OLA1: variants seen among roughly 807,000 people sequenced by gnomAD.
The protein encoded by OLA1 is Obg like ATPase 1, also known as obg-like ATPase 1.
In OLA1, 14 loss-of-function variants were observed where a neutral mutation model predicts 48.4. That is an observed-to-expected ratio of 0.29 (90% confidence interval 0.19 to 0.45). The LOEUF is 0.45. Ranked by LOEUF, OLA1 falls within the 20% of genes least tolerant of loss-of-function variation. OLA1 has a pLI of 1.00. For missense variants in OLA1, 325 were observed against 467.1 expected, an observed-to-expected ratio of 0.70 and a Z score of 2.80; for synonymous variants, 127 against 150.4, an observed-to-expected ratio of 0.84 and a Z score of 1.14.
At chr2:174,092,362 T>A (rs1340801663) in intron 7 of OLA1, among the ~76,000 whole-genome samples, 1 of 151,980 alleles carries the variant, frequency 6.6e-6, no homozygotes, top group Non-Finnish European at 1.5e-5. Flanking sequence ...AAAGACTAGG[T>A]AAAAGAACAT....
intron 7 of OLA1, among the ~76,000 whole-genome samples, chr2:174,118,118 C>G (rs917883116): frequency 8.5e-5 from 13 of 152,116 alleles, no homozygotes; most frequent in African/African-American, 1.9e-4. Context: ...TTTAAACAAC[C>G]AGATCTCATG....
At chr2:174,173,538 GATAAAAGTTTACAACTTGATTTTTTTT>G (rs1687354083) in intron 4 of OLA1, among the ~76,000 whole-genome samples, 1 of 150,364 alleles carries the variant, frequency 6.7e-6, no homozygotes, top group Admixed American at 6.6e-5. Flanking sequence ...TTAAATCTGT[GATAAAAGTTTACAACTTGATTTTTTTT>G]ATAAGTCAAA....
At chr2:174,215,572 C>G (rs1688345697) in intron 4 of OLA1, among the ~76,000 whole-genome samples, 1 of 151,970 alleles carries the variant, frequency 6.6e-6, no homozygotes, top group Admixed American at 6.6e-5. Flanking sequence ...TAAGAAAAAA[C>G]TAGGTATGCC....
chr2:174,160,499 A>C (rs1273116052), intron 4 of OLA1, among the ~76,000 whole-genome samples: 1 of 152,218 alleles, frequency 6.6e-6, no homozygotes, highest in African/African-American at 2.4e-5. Context: ...AAAAGCAAAT[A>C]AATTAAAAAC....
At chr2:174,157,644 T>TA (rs1479421680) in intron 4 of OLA1, among the ~76,000 whole-genome samples, 1 of 152,140 alleles carries the variant, frequency 6.6e-6, no homozygotes, top group African/African-American at 2.4e-5. Context: ...CCTGGCTGTT[T>TA]AAAAAAACTA....
intron 4 of OLA1, among the ~76,000 whole-genome samples, chr2:174,204,640 C>T (rs533877169): frequency 2.5e-4 from 38 of 152,066 alleles, no homozygotes; most frequent in Middle Eastern, 3.4e-3. Flanking sequence ...AATGATAAAT[C>T]GTACACCATT....
At position 174,078,962 on chromosome 2, in the gene OLA1, C is replaced by A. The variant is rs369967522; in HGVS notation, c.1089+6G>T. On this transcript the variant is annotated splice_donor_region_variant and intron_variant, in intron 10 of 10. Transcript: ENST00000284719. ...GTGAAATACAAAAATAAAAACAATTCTTTACCTTGACTGCATTTTCAGAAC... is the reference window on the plus strand; with the variant it reads ...GTGAAATACAAAAATAAAAACAATTATTTACCTTGACTGCATTTTCAGAAC... The A allele has an allele frequency of 2.5e-6, 4 of 1,595,858 alleles. No individual in the cohort carries two copies. Among genetic ancestry groups the A allele is most frequent in the African/African-American group, 1.4e-5 (1 of 73,750 alleles).
At chr2:174,243,525 T>C (rs1689055501) in intron 2 of OLA1, among the ~76,000 whole-genome samples, 1 of 152,180 alleles carries the variant, frequency 6.6e-6, no homozygotes, top group African/African-American at 2.4e-5. Context: ...ATATCTACTA[T>C]GTTCCTAACA....
intron 4 of OLA1, among the ~76,000 whole-genome samples, chr2:174,193,200 G>C (rs956132171): frequency 2.0e-5 from 3 of 150,360 alleles, no homozygotes; most frequent in South Asian, 4.2e-4. Flanking sequence ...AGCGATTCTC[G>C]TGCCTCAGCT....
intron 2 of OLA1, among the ~76,000 whole-genome samples, chr2:174,231,091 G>T (rs1688719737): frequency 6.6e-6 from 1 of 152,128 alleles, no homozygotes; most frequent in Non-Finnish European, 1.5e-5. Context: ...TCCCACTGGG[G>T]ATATTTTCCT....
At chr2:174,186,489 A>G (rs931144875) in intron 4 of OLA1, among the ~76,000 whole-genome samples, 16 of 152,138 alleles carry the variant, frequency 1.1e-4, no homozygotes, top group Non-Finnish European at 2.1e-4. Context: ...AGCATCCCCA[A>G]GAGAAAAAAA....
At chr2:174,184,339 A>G (rs1046831654) in intron 4 of OLA1, among the ~76,000 whole-genome samples, 17 of 152,236 alleles carry the variant, frequency 1.1e-4, no homozygotes, top group Non-Finnish European at 2.1e-4. Context: ...GATGTGAAGT[A>G]TACTTTACCT....
At chr2:174,082,123 C>G in intron 7 of OLA1, 59 bp from the exon 8 acceptor site, 2 of 1,556,552 alleles carry the variant, frequency 1.3e-6, no homozygotes, top group Non-Finnish European at 1.8e-6. Context: ...GTACCACATT[C>G]ATTATTATCA....
intron 7 of OLA1, among the ~76,000 whole-genome samples, chr2:174,113,134 G>A (rs531266977): frequency 7.4e-4 from 112 of 152,144 alleles, no homozygotes; most frequent in African/African-American, 2.6e-3. Flanking sequence ...AAGTAGAGAT[G>A]GGGTTTCACC....
At position 174,103,188 on chromosome 2, in the gene OLA1, T is replaced by A. The variant is rs186938348; in HGVS notation, c.728+19992A>T. On this transcript the variant is annotated intron_variant, in intron 7 of 10. Coordinates refer to ENST00000284719, the MANE Select transcript of OLA1 (RefSeq NM_013341.5). ...GGAGATATATAATCATGTGTACATG[T>A]GTATCATGTGTATTTGGCTAATAGC... Among the ~76,000 whole-genome samples the A allele has an allele frequency of 2.7e-4, 26 of 97,888 alleles. No individual in the cohort carries two copies. The East Asian group carries it at 5.3e-3, about 20-fold the overall frequency. 64.2% of individuals were successfully genotyped at this position (97,888 alleles called of 152,430 possible).
intron 2 of OLA1, among the ~76,000 whole-genome samples, chr2:174,241,066 C>A (rs567889874): frequency 6.6e-6 from 1 of 152,270 alleles, no homozygotes; most frequent in African/African-American, 2.4e-5. Context: ...TCCATTCTCT[C>A]GAGAGCCAGA....
At chr2:174,195,299 T>G (rs571965376) in intron 4 of OLA1, among the ~76,000 whole-genome samples, 1 of 152,282 alleles carries the variant, frequency 6.6e-6, no homozygotes, top group South Asian at 2.1e-4. Context: ...AATTTTCCAG[T>G]TGCATGCATG....
chr2:174,087,822 C>T (rs909628360), intron 7 of OLA1, among the ~76,000 whole-genome samples: 1 of 152,112 alleles, frequency 6.6e-6, no homozygotes, highest in East Asian at 1.9e-4. Flanking sequence ...TCTGAAAATC[C>T]TTTAAAGATG....
chr2:174,186,803 A>C (rs887597943), intron 4 of OLA1, among the ~76,000 whole-genome samples: 3 of 152,226 alleles, frequency 2.0e-5, no homozygotes, highest in African/African-American at 7.2e-5. Context: ...TAGCACAGAA[A>C]GACCTGGAGA....
Sources: gnomAD v4.1 joint callset for allele counts (sites outside exome capture counted in the v4.1 genomes callset) on GRCh38, gnomAD v4.1.1 for gene constraint, MANE v1.5 for transcripts, NCBI Gene and HGNC (gene_info 2026-07-23, HGNC 2026-07-21) for gene names.